The following CCDC148 variants were observed in gnomAD, a reference collection of about 807,000 sequenced individuals.
The protein encoded by CCDC148 is coiled-coil domain-containing protein 148.
A neutral mutation model predicts 85.7 loss-of-function variants in CCDC148; 89 were observed. That is an observed-to-expected ratio of 1.04 (90% CI 0.87 to 1.24). CCDC148 has a LOEUF of 1.24. CCDC148 is among the 50% of genes most tolerant of loss of function. The pLI is 0.00. For missense variants in CCDC148, 692 were observed against 671.7 expected, an observed-to-expected ratio of 1.03 and a Z score of -0.33; for synonymous variants, 230 against 213.9, an observed-to-expected ratio of 1.08 and a Z score of -0.66.
chr2:158,276,847 C>T (rs534055304), intron 9 of CCDC148, among the ~76,000 whole-genome samples: 3 of 152,308 alleles, frequency 2.0e-5, no homozygotes, highest in East Asian at 1.9e-4. Flanking sequence ...AAATGTCACA[C>T]ATTTGTTCTA....
chr2:158,329,164 T>C (rs536351002), intron 7 of CCDC148, among the ~76,000 whole-genome samples: 18 of 152,350 alleles, frequency 1.2e-4, no homozygotes, highest in African/African-American at 4.3e-4. Flanking sequence ...CATTTAAGTC[T>C]TTAAGCCATC....
chr2:158,306,118 C>T (rs189006202), intron 9 of CCDC148, among the ~76,000 whole-genome samples: 42 of 152,252 alleles, frequency 2.8e-4, no homozygotes, highest in African/African-American at 9.6e-4. Flanking sequence ...GAAGGGTTGA[C>T]TACAAAGGGG....
chr2:158,438,042 A>C (rs951149497), intron 1 of CCDC148, among the ~76,000 whole-genome samples: 30 of 152,218 alleles, frequency 2.0e-4, no homozygotes, highest in Non-Finnish European at 4.1e-4. Context: ...GAAAATGGCC[A>C]TATTGCCCAA....
At chr2:158,314,838 A>C (rs1692203299) in intron 7 of CCDC148, among the ~76,000 whole-genome samples, 1 of 152,212 alleles carries the variant, frequency 6.6e-6, no homozygotes, top group African/African-American at 2.4e-5. Flanking sequence ...ATGGTCTTAT[A>C]CTTTAAGTTA....
At chr2:158,324,421 G>A (rs1692668707) in intron 7 of CCDC148, among the ~76,000 whole-genome samples, 1 of 152,062 alleles carries the variant, frequency 6.6e-6, no homozygotes, top group South Asian at 2.1e-4. Flanking sequence ...AATCATTAAT[G>A]TCAGTGTAGT....
intron 11 of CCDC148, among the ~76,000 whole-genome samples, chr2:158,195,925 G>A (rs916130249): frequency 2.0e-5 from 3 of 152,146 alleles, no homozygotes; most frequent in East Asian, 3.9e-4. Context: ...CAGCACAGCA[G>A]ATATAGCACA....
chr2:158,426,874 G>T (rs939843588), intron 1 of CCDC148, among the ~76,000 whole-genome samples: 13 of 152,070 alleles, frequency 8.5e-5, no homozygotes, highest in African/African-American at 2.9e-4. Context: ...TACCAATGTT[G>T]GCTATTGCAA....
intron 7 of CCDC148, among the ~76,000 whole-genome samples, chr2:158,316,468 AT>A (rs1363512682): frequency 6.6e-6 from 1 of 152,210 alleles, no homozygotes; most frequent in Non-Finnish European, 1.5e-5. Context: ...CACCATATCC[AT>A]TTTGACCTTC....
chr2:158,288,046 CT>C (rs1458171830), intron 9 of CCDC148, among the ~76,000 whole-genome samples: 1 of 152,210 alleles, frequency 6.6e-6, no homozygotes, highest in Non-Finnish European at 1.5e-5. Context: ...GGGCTTGGGG[CT>C]TGCACCCTCT....
rs1187908821 is a variant in CCDC148, at chr2:158,212,977, T to C, written c.1370+7618A>G. Among the ~76,000 whole-genome samples, 3 of 152,196 alleles carry C rather than the reference T, an allele frequency of 2.0e-5. No individual in the cohort carries two copies. The East Asian group carries it at 5.8e-4, about 29-fold the overall frequency. The stretch of plus-strand genomic sequence containing the variant: ...ACTTGAGAAAGTGTAGAAAGAACTT[T>C]AGTACAATGGTTCTTAAATTTTGCT... On this transcript the variant is annotated intron_variant, in intron 11 of 13. Transcript: ENST00000283233.
intron 1 of CCDC148, among the ~76,000 whole-genome samples, chr2:158,429,698 T>C (rs1424747748): frequency 2.0e-5 from 3 of 152,184 alleles, no homozygotes; most frequent in Non-Finnish European, 2.9e-5. Flanking sequence ...CTGGCTATAA[T>C]GGAGTATCAA....
intron 10 of CCDC148, among the ~76,000 whole-genome samples, chr2:158,246,519 ATAAACATGGAACC>A (rs1688577185): frequency 6.6e-6 from 1 of 152,102 alleles, no homozygotes; most frequent in Non-Finnish European, 1.5e-5. Context: ...AGTGCCAAAA[ATAAACATGGAACC>A]TAAAGTCAGA....
chr2:158,297,626 C>T (rs538246928), intron 9 of CCDC148, among the ~76,000 whole-genome samples: 43 of 152,244 alleles, frequency 2.8e-4, no homozygotes, highest in African/African-American at 1.0e-3. Context: ...GCAGAATCCA[C>T]CCTAGATAGT....
intron 1 of CCDC148, among the ~76,000 whole-genome samples, chr2:158,423,243 A>T (rs912649633): frequency 6.6e-6 from 1 of 152,192 alleles, no homozygotes; most frequent in Non-Finnish European, 1.5e-5. Flanking sequence ...TAAAGTTCAT[A>T]TGGAACCAAG....
rs1686656691 is a variant in CCDC148, at chr2:158,419,320, G to A, written c.25+37095C>T. 4.6e-5 allele frequency among the ~76,000 whole-genome samples: 7 copies of A among 152,254 alleles called. No homozygotes were observed. In the South Asian group the frequency reaches 1.5e-3, roughly 32 times the overall value. ...GTTATATTAAGAATGAGTCACTGAA[G>A]TTTTAAAAAACCTTTTTTTACAAGA... On this transcript the variant is annotated intron_variant, in intron 1 of 13. Transcript: ENST00000283233.
intron 11 of CCDC148, among the ~76,000 whole-genome samples, chr2:158,210,852 G>A (rs1271621716): frequency 6.6e-6 from 1 of 150,600 alleles, no homozygotes; most frequent in Non-Finnish European, 1.5e-5. Context: ...CCAGCTACTT[G>A]GGAGGCTGAG....
At chr2:158,321,273 A>G (rs888867489) in intron 7 of CCDC148, among the ~76,000 whole-genome samples, 6 of 152,188 alleles carry the variant, frequency 3.9e-5, no homozygotes, top group Non-Finnish European at 8.8e-5. Flanking sequence ...GGTCCACACT[A>G]TTACCCACTC....
chr2:158,303,934 A>C (rs1006691877), intron 9 of CCDC148, among the ~76,000 whole-genome samples: 10 of 152,192 alleles, frequency 6.6e-5, no homozygotes, highest in African/African-American at 1.4e-4. Flanking sequence ...CCTGGTGGAT[A>C]GGAGACACTC....
Position 158,281,293 on chromosome 2 carries a change from G to GA in CCDC148, c.1110+28139dup, listed in dbSNP as rs1339159785. ...AACGAAAATCAGAGCAGAACTGAAG[G>GA]AAATAGAGACACAAAAAACCCTTCA... On this transcript the variant is annotated intron_variant, in intron 9 of 13. Transcript: ENST00000283233. Among the ~76,000 whole-genome samples the GA allele has an allele frequency of 3.9e-5, 6 of 152,204 alleles. No individual in the cohort carries two copies. In the East Asian group the frequency reaches 1.2e-3, roughly 29 times the overall value.
Sources: gnomAD v4.1 joint callset for allele counts (sites outside exome capture counted in the v4.1 genomes callset) on GRCh38, gnomAD v4.1.1 for gene constraint, MANE v1.5 for transcripts, NCBI Gene and HGNC (gene_info 2026-07-23, HGNC 2026-07-21) for gene names.